The following CALD1 variants were observed in gnomAD, a reference collection of about 807,000 sequenced individuals.
The protein encoded by CALD1 is caldesmon 1.
Under a neutral mutation model 99.9 loss-of-function variants are expected in CALD1, and 33 were observed. The ratio of observed to expected loss-of-function variants is 0.33; its 90% CI spans 0.25 to 0.44. The LOEUF is 0.44. CALD1 is among the 20% of genes least tolerant of loss of function. CALD1 has a pLI of 1.00. For missense variants in CALD1, 861 were observed against 962.1 expected (o/e 0.89, Z 1.39); for synonymous variants, 310 against 325.0 (o/e 0.95, Z 0.50).
At chr7:134,835,970 C>A (rs1317362135) in intron 1 of CALD1, among the ~76,000 whole-genome samples, 1 of 151,806 alleles carries the variant, frequency 6.6e-6, no homozygotes, top group Non-Finnish European at 1.5e-5. Context: ...CATGGTGAAA[C>A]CCCGTCTCTA....
intron 3 of CALD1, among the ~76,000 whole-genome samples, chr7:134,892,135 C>G (rs1054968998): frequency 6.6e-6 from 1 of 152,136 alleles, no homozygotes; most frequent in African/African-American, 2.4e-5. Context: ...GACCATCTGA[C>G]TAAGACAGAA....
chr7:134,769,582 A>C (rs1178235478), intron 1 of CALD1, among the ~76,000 whole-genome samples: 1 of 150,878 alleles, frequency 6.6e-6, no homozygotes, highest in African/African-American at 2.5e-5. Context: ...TTTCTCTTAT[A>C]CACACACTCT....
At chr7:134,887,876 A>G (rs1298314949) in intron 3 of CALD1, among the ~76,000 whole-genome samples, 3 of 151,060 alleles carry the variant, frequency 2.0e-5, no homozygotes, top group South Asian at 4.2e-4. Flanking sequence ...GTGTGTCTGT[A>G]TGTGTGTGTA....
chr7:134,903,904 A>G lies in CALD1; in HGVS notation c.72-24850A>G, dbSNP rs112143256. Among the ~76,000 whole-genome samples, 33 of 152,206 alleles carry G rather than the reference A, an allele frequency of 2.2e-4. 1 individual carries two copies. Among genetic ancestry groups the G allele is most frequent in the African/African-American group, 5.5e-4 (23 of 41,476 alleles). ...GAAAGATTTAAAAATTGTAATGTGC[A>G]GTTTCATAATTTAATCCATAAGCAA... On this transcript the variant is annotated intron_variant, in intron 3 of 14. Coordinates refer to ENST00000361675, the MANE Select transcript of CALD1 (RefSeq NM_033138.4).
chr7:134,917,809 A>C (rs1804326013), intron 3 of CALD1, among the ~76,000 whole-genome samples: 1 of 152,204 alleles, frequency 6.6e-6, no homozygotes, highest in Non-Finnish European at 1.5e-5. Context: ...ATGGAAAGAG[A>C]GGAAGGAGTT....
At chr7:134,853,005 C>T (rs895015506) in intron 2 of CALD1, among the ~76,000 whole-genome samples, 6 of 152,122 alleles carry the variant, frequency 3.9e-5, no homozygotes, top group East Asian at 1.9e-4. Context: ...TGCTTGATGG[C>T]GTGTTAGAAC....
At chr7:134,919,403 T>G (rs944333550) in intron 3 of CALD1, among the ~76,000 whole-genome samples, 3 of 152,220 alleles carry the variant, frequency 2.0e-5, no homozygotes, top group Non-Finnish European at 2.9e-5. Context: ...TATGTCACCA[T>G]GTACTCTGTT....
At chr7:134,913,197 T>C (rs1222792201) in intron 3 of CALD1, among the ~76,000 whole-genome samples, 2 of 151,998 alleles carry the variant, frequency 1.3e-5, no homozygotes, top group Non-Finnish European at 2.9e-5. Context: ...ACCAGGGACG[T>C]GGAGGTTGCA....
intron 1 of CALD1, among the ~76,000 whole-genome samples, chr7:134,764,891 G>C (rs996239680): frequency 6.6e-6 from 1 of 152,162 alleles, no homozygotes; most frequent in African/African-American, 2.4e-5. Context: ...AGTTTGTGCA[G>C]GGAATTGTAG....
the CALD1 span, among the ~76,000 whole-genome samples, chr7:134,728,785 A>G: frequency 1.3e-5 from 2 of 151,644 alleles, no homozygotes; most frequent in African/African-American, 2.4e-5. Context: ...TGGCCCTTCC[A>G]TGAAGCTCTG....
the CALD1 span, among the ~76,000 whole-genome samples, chr7:134,732,187 T>C: frequency 1.3e-5 from 2 of 152,234 alleles, no homozygotes; most frequent in South Asian, 4.1e-4. Context: ...CTTACCCTAC[T>C]GAGCTGCAAC....
intron 1 of CALD1, among the ~76,000 whole-genome samples, chr7:134,818,476 T>G (rs1287638770): frequency 6.6e-6 from 1 of 152,192 alleles, no homozygotes. Context: ...TCTCTGTTTT[T>G]GAAGGGTTCA....
intron 3 of CALD1, among the ~76,000 whole-genome samples, chr7:134,907,757 C>T (rs11560395): frequency 3.9e-5 from 6 of 151,950 alleles, no homozygotes; most frequent in Admixed American, 3.3e-4. Flanking sequence ...CCAGTCCCCC[C>T]CCGCCTTTTC....
intron 9 of CALD1, among the ~76,000 whole-genome samples, chr7:134,953,147 C>A (rs1807486843): frequency 6.6e-6 from 1 of 152,042 alleles, no homozygotes; most frequent in Non-Finnish European, 1.5e-5. Context: ...AAATATTATT[C>A]TTCTTTTGAT....
chr7:134,775,746 G>A (rs1342595664), upstream of CALD1, among the ~76,000 whole-genome samples: 1 of 151,950 alleles, frequency 6.6e-6, no homozygotes, highest in Non-Finnish European at 1.5e-5. Flanking sequence ...TGAATGCATG[G>A]ATTACTTTGA....
rs952747636 is a variant in CALD1 at position 134,783,459 on chromosome 7, G to C, written c.-130+3710G>C. Among the ~76,000 whole-genome samples, 31 of 152,184 alleles carry C rather than the reference G, an allele frequency of 2.0e-4. No homozygotes were observed. The highest frequency in any genetic ancestry group is 3.4e-4 in the Non-Finnish European group (23 of 68,038). On this transcript the variant is annotated intron_variant, in intron 1 of 14. Transcript: ENST00000361675. This position sits in a 1 kb window ranked among gnomAD's most constrained non-coding sequence, Gnocchi z 4.3. ...CTAGCTAGGGAAAGCCACTTGCACA[G>C]ACAGAGGAGATGTCAGAGCATGTTT...
At chr7:134,910,389 A>T (rs1002048593) in intron 3 of CALD1, among the ~76,000 whole-genome samples, 1 of 152,234 alleles carries the variant, frequency 6.6e-6, no homozygotes, top group Non-Finnish European at 1.5e-5. Flanking sequence ...AGGACTGCTA[A>T]ATCAAACATG....
chr7:134,919,588 T>C (rs1174543582), intron 3 of CALD1, among the ~76,000 whole-genome samples: 1 of 152,208 alleles, frequency 6.6e-6, no homozygotes, highest in Non-Finnish European at 1.5e-5. Flanking sequence ...CAAGTATGGT[T>C]GGTATGCAAA....
At chr7:134,781,697 A>ATG (rs974465964) in intron 1 of CALD1, among the ~76,000 whole-genome samples, 8 of 152,246 alleles carry the variant, frequency 5.3e-5, no homozygotes, top group African/African-American at 1.9e-4. Context: ...CAAGGAATGT[A>ATG]TGTACAATGG....
Sources: allele counts gnomAD v4.1 joint callset (sites outside exome capture counted in the v4.1 genomes callset), GRCh38; gene constraint gnomAD v4.1.1; non-coding constraint Gnocchi (gnomAD v3.1); transcripts MANE v1.5; gene names NCBI Gene and HGNC (gene_info 2026-07-23, HGNC 2026-07-21).